Variants in CLNK observed in about 807,000 individuals in gnomAD.
CLNK encodes the protein cytokine-dependent hematopoietic cell linker.
A neutral mutation model predicts 68.6 loss-of-function variants in CLNK; 74 were observed. The observed-to-expected ratio is 1.08, with a 90% CI of 0.89 to 1.31. The LOEUF (loss-of-function observed/expected upper bound fraction) is 1.31. Among genes scored for constraint, CLNK ranks in the 50% most tolerant of loss-of-function variants. The pLI is 0.00. For missense variants in CLNK, 553 were observed against 515.3 expected (o/e 1.07, Z -0.71); for synonymous variants, 198 against 172.2 (o/e 1.15, Z -1.17).
At chr4:10,647,817 T>C (rs1723569253) in intron 2 of CLNK, among the ~76,000 whole-genome samples, 1 of 152,204 alleles carries the variant, frequency 6.6e-6, no homozygotes, top group Non-Finnish European at 1.5e-5. Flanking sequence ...TTGTAGGTGA[T>C]GGCTATGCAA....
chr4:10,532,314 A>T, intron 11 of CLNK, 31 bp from the exon 12 acceptor site: 1 of 1,580,600 alleles, frequency 6.3e-7, no homozygotes. Flanking sequence ...GTGTTACATA[A>T]AACACAGTTC....
chr4:10,547,489 TG>T (rs1719278976), intron 8 of CLNK, among the ~76,000 whole-genome samples: 1 of 152,180 alleles, frequency 6.6e-6, no homozygotes. Flanking sequence ...TTTCTTTTTT[TG>T]GTAAGAACAC....
At chr4:10,565,613 A>G (rs1577133301) in intron 6 of CLNK, among the ~76,000 whole-genome samples, 1 of 152,178 alleles carries the variant, frequency 6.6e-6, no homozygotes, top group Middle Eastern at 3.4e-3. Flanking sequence ...CCCTCTATGC[A>G]GACCTCATTT....
chr4:10,596,683 T>A (rs1056815457), intron 3 of CLNK, among the ~76,000 whole-genome samples: 15 of 151,076 alleles, frequency 9.9e-5, no homozygotes, highest in African/African-American at 3.2e-4. Context: ...TGTTTTTTTT[T>A]AAATTTAGGT....
chr4:10,536,359 T>C (rs1718760373), intron 11 of CLNK, among the ~76,000 whole-genome samples: 1 of 152,228 alleles, frequency 6.6e-6, no homozygotes, highest in Admixed American at 6.5e-5. Flanking sequence ...CCTTCTGTGG[T>C]TGATTACATG....
chr4:10,522,255 C>A (rs113387109), intron 14 of CLNK, among the ~76,000 whole-genome samples: 6,933 of 21,664 alleles, frequency 0.32, 458 homozygotes, highest in East Asian at 0.47. Context: ...GAGACTCTGT[C>A]TCAAAAAAAA....
chr4:10,505,188 G>T (rs1451967201), intron 17 of CLNK, among the ~76,000 whole-genome samples: 1 of 152,208 alleles, frequency 6.6e-6, no homozygotes, highest in Non-Finnish European at 1.5e-5. Flanking sequence ...ACCAAGGCAT[G>T]GCCAGATTCC....
chr4:10,625,005 A>G (rs1343092197), intron 2 of CLNK, among the ~76,000 whole-genome samples: 21 of 152,170 alleles, frequency 1.4e-4, no homozygotes, highest in Non-Finnish European at 2.9e-4. Context: ...TCCAAGGACA[A>G]ATTACATAGT....
intron 14 of CLNK, among the ~76,000 whole-genome samples, chr4:10,523,667 C>A (rs1718178224): frequency 6.6e-6 from 1 of 152,128 alleles, no homozygotes; most frequent in Admixed American, 6.6e-5. Context: ...ATGAGGCCAA[C>A]TGGAGAGCTT....
At chr4:10,622,992 G>A (rs142525263) in intron 2 of CLNK, among the ~76,000 whole-genome samples, 1 of 152,184 alleles carries the variant, frequency 6.6e-6, no homozygotes, top group African/African-American at 2.4e-5. Context: ...GCCCATTTAT[G>A]TCCCAAAGTC....
intron 3 of CLNK, among the ~76,000 whole-genome samples, chr4:10,595,575 T>C (rs1721353317): frequency 6.6e-6 from 1 of 152,202 alleles, no homozygotes. Context: ...CTTTGTTTAT[T>C]ACCAGGAGAT....
At chr4:10,663,381 C>T (rs1012722884) in intron 2 of CLNK, among the ~76,000 whole-genome samples, 1 of 152,220 alleles carries the variant, frequency 6.6e-6, no homozygotes, top group African/African-American at 2.4e-5. Flanking sequence ...TTTCTCATCA[C>T]TCTCTATGTA....
chr4:10,697,607 A>G, the CLNK span: 1 of 152,250 alleles, frequency 6.6e-6, no homozygotes, highest in East Asian at 1.9e-4. Context: ...TAAGTTCAGC[A>G]GTCCAACAAG....
intron 16 of CLNK, among the ~76,000 whole-genome samples, chr4:10,509,954 C>G (rs564607865): frequency 5.3e-5 from 8 of 152,180 alleles, no homozygotes; most frequent in Non-Finnish European, 1.2e-4. Context: ...ACAAAGGAAG[C>G]CTTGGAGCCC....
intron 2 of CLNK, among the ~76,000 whole-genome samples, chr4:10,618,960 T>G (rs530448768): frequency 2.6e-5 from 4 of 152,172 alleles, no homozygotes; most frequent in African/African-American, 9.6e-5. Flanking sequence ...CCAAACCATA[T>G]TGTATGCCTA....
intron 3 of CLNK, among the ~76,000 whole-genome samples, chr4:10,596,579 G>T (rs1721396391): frequency 1.3e-5 from 2 of 152,174 alleles, no homozygotes; most frequent in South Asian, 4.1e-4. Context: ...GTAGTTTTCA[G>T]ACATTTTTAG....
At chr4:10,535,370 T>G (rs535463723) in intron 11 of CLNK, among the ~76,000 whole-genome samples, 1 of 152,252 alleles carries the variant, frequency 6.6e-6, no homozygotes, top group East Asian at 1.9e-4. Flanking sequence ...GGCCATTGAG[T>G]GTACTGAAGC....
intron 2 of CLNK, among the ~76,000 whole-genome samples, chr4:10,661,120 A>C (rs1724176074): frequency 6.6e-6 from 1 of 152,204 alleles, no homozygotes; most frequent in Non-Finnish European, 1.5e-5. Flanking sequence ...TATTCCTGCA[A>C]ATCAAAGTGA....
At chr4:10,668,136 C>A (rs146389467) in intron 1 of CLNK, among the ~76,000 whole-genome samples, 1 of 152,274 alleles carries the variant, frequency 6.6e-6, no homozygotes, top group Non-Finnish European at 1.5e-5. Context: ...GCATTCATCC[C>A]ATCTGCCCCC....
Sources: gnomAD v4.1 joint callset for allele counts (sites outside exome capture counted in the v4.1 genomes callset) on GRCh38, gnomAD v4.1.1 for gene constraint, MANE v1.5 for transcripts, NCBI Gene and HGNC (gene_info 2026-07-23, HGNC 2026-07-21) for gene names.